TTC7B: variants seen among roughly 807,000 people sequenced by gnomAD.
The protein encoded by TTC7B is tetratricopeptide repeat domain 7B.
In TTC7B, 28 loss-of-function variants were observed where a neutral mutation model predicts 106.8. The observed-to-expected ratio is 0.26, with a 90% CI of 0.19 to 0.36. The LOEUF (loss-of-function observed/expected upper bound fraction) is 0.36. TTC7B is among the 10% of genes least tolerant of loss of function. The pLI is 1.00. For missense variants in TTC7B, 862 were observed against 1,076.4 expected (o/e 0.80, Z 2.79); for synonymous variants, 405 against 430.6 (o/e 0.94, Z 0.74).
At chr14:90,736,624 CAT>C (rs1889539755) in intron 4 of TTC7B, among the ~76,000 whole-genome samples, 2 of 151,974 alleles carry the variant, frequency 1.3e-5, no homozygotes, top group Admixed American at 6.6e-5. Context: ...GTGGCTTATG[CAT>C]GTAATCACAG....
chr14:90,629,470 G>A (rs1002159743), intron 15 of TTC7B, among the ~76,000 whole-genome samples: 5 of 152,170 alleles, frequency 3.3e-5, no homozygotes, highest in Non-Finnish European at 5.9e-5. Flanking sequence ...TGAAACACAG[G>A]CAGACACAAG....
chr14:90,598,507 T>TG (rs954702203), intron 17 of TTC7B, among the ~76,000 whole-genome samples: 1 of 152,110 alleles, frequency 6.6e-6, no homozygotes, highest in African/African-American at 2.4e-5. Flanking sequence ...GAAACTGTGA[T>TG]GGGAAGGCAT....
Position 90,676,524 on chromosome 14 carries a change from T to C in TTC7B, c.1151A>G (p.Glu384Gly). ...GRRGQYEMLS[E>G]CLERAMKFAF... ...GTCAACCAGACTCAGCAGCTGTACC[T>C]CTGACAGCATCTCATACTGGCCTCT... The change falls in exon 9 of 20, where the codon GAG (glutamate) becomes GGG (glycine). Residue 384 changes from glutamate (E) to glycine (G), a missense_variant and splice_region_variant. By Grantham distance (98) the Glu-to-Gly change is moderately conservative. Coordinates refer to ENST00000328459, the MANE Select transcript of TTC7B (RefSeq NM_001010854.2). 1 of 1,613,804 alleles carries C rather than the reference T, an allele frequency of 6.2e-7. No individual in the cohort carries two copies. The highest frequency in any genetic ancestry group is 8.5e-7 in the Non-Finnish European group (1 of 1,179,802).
At chr14:90,748,648 C>T (rs912291670) in intron 3 of TTC7B, among the ~76,000 whole-genome samples, 1 of 152,112 alleles carries the variant, frequency 6.6e-6, no homozygotes, top group Non-Finnish European at 1.5e-5. Context: ...TGATATTATA[C>T]TACTTCACAT....
At chr14:90,790,891 C>G (rs1566889723) in intron 1 of TTC7B, among the ~76,000 whole-genome samples, 1 of 152,044 alleles carries the variant, frequency 6.6e-6, no homozygotes, top group Non-Finnish European at 1.5e-5. Flanking sequence ...GAAGGGCAAA[C>G]CAGGCTGAAG....
chr14:90,552,192 T>C (rs967420088), intron 19 of TTC7B, among the ~76,000 whole-genome samples: 4 of 152,124 alleles, frequency 2.6e-5, no homozygotes, highest in African/African-American at 9.7e-5. Context: ...CCTCTGCCCG[T>C]CAGAGCTCCA....
chr14:90,772,823 A>G (rs1890908372), intron 3 of TTC7B: 1 of 152,156 alleles, frequency 6.6e-6, no homozygotes, highest in South Asian at 2.1e-4. Context: ...AATACCAAAA[A>G]TTAGCTAGGC....
Position 90,657,159 on chromosome 14 carries a change from G to A in TTC7B, c.1341+15C>T. 1.2e-6 allele frequency: 2 copies of A among 1,610,298 alleles called. No homozygotes were observed. Among genetic ancestry groups the A allele is most frequent in the Non-Finnish European group, 1.7e-6 (2 of 1,177,162 alleles). On this transcript the variant is annotated intron_variant, in intron 11 of 19. Transcript: ENST00000328459. This position sits in a 1 kb window ranked among gnomAD's most constrained non-coding sequence, Gnocchi z 4.2. ...AGTCCTCTGCAGGAGCGGGGAGGGG[G>A]GCGCCCCTACTCACCCAGTGCAGGG...
chr14:90,708,068 C>T (rs1888283042), intron 5 of TTC7B, among the ~76,000 whole-genome samples: 1 of 147,498 alleles, frequency 6.8e-6, no homozygotes, highest in Non-Finnish European at 1.5e-5. Flanking sequence ...ACAGCTAGAA[C>T]CCAGGAGGTG....
At chr14:90,580,522 C>T (rs775420285) in intron 18 of TTC7B, among the ~76,000 whole-genome samples, 9 of 152,132 alleles carry the variant, frequency 5.9e-5, no homozygotes, top group African/African-American at 1.4e-4. Context: ...GGGTGATATC[C>T]GACTCCTCTG....
intron 19 of TTC7B, among the ~76,000 whole-genome samples, chr14:90,562,101 C>T (rs1890617126): frequency 6.6e-6 from 1 of 152,148 alleles, no homozygotes; most frequent in South Asian, 2.1e-4. Context: ...CCAAAACCAT[C>T]GCCCCAGCCC....
chr14:90,766,719 G>C (rs1890692720), intron 3 of TTC7B: 5 of 1,530,264 alleles, frequency 3.3e-6, no homozygotes. Flanking sequence ...CTGAGGATGA[G>C]GTGGAACGTG....
rs529239362 is a variant in TTC7B, at chr14:90,709,012, C to T, written c.699-13434G>A. Among the ~76,000 whole-genome samples the T allele has an allele frequency of 2.1e-3, 278 of 131,210 alleles. 1 individual carries two copies. Among genetic ancestry groups the T allele is most frequent in the South Asian group, 2.8e-3 (11 of 3,864 alleles). 86.1% of individuals were successfully genotyped at this position (131,210 alleles called of 152,430 possible). A position where few individuals can be genotyped will look rare whatever the true frequency, so the allele number is the denominator to read the frequency against. On this transcript the variant is annotated intron_variant, in intron 5 of 19. Coordinates refer to ENST00000328459, the MANE Select transcript of TTC7B (RefSeq NM_001010854.2). Reference sequence around the variant, plus strand: ...TACCATCTCACACCAGTTAGAATGGCGATCATTAAAAAGTCAGGAAACAAC... The same window carrying T: ...TACCATCTCACACCAGTTAGAATGGTGATCATTAAAAAGTCAGGAAACAAC...
intron 1 of TTC7B, among the ~76,000 whole-genome samples, chr14:90,797,512 G>A (rs80200774): frequency 0.03 from 4,545 of 151,212 alleles, 243 homozygotes; most frequent in African/African-American, 0.1. Context: ...TCGTTTACTG[G>A]GCTTCCTGTA....
intron 1 of TTC7B, among the ~76,000 whole-genome samples, 153 bp from the exon 2 acceptor site, chr14:90,786,481 G>A (rs1016167766): frequency 6.6e-6 from 1 of 152,144 alleles, no homozygotes; most frequent in Non-Finnish European, 1.5e-5. Context: ...GGTCTAAGTG[G>A]GCACCACCTC....
intron 3 of TTC7B, among the ~76,000 whole-genome samples, chr14:90,756,610 G>C (rs1890311213): frequency 6.6e-6 from 1 of 152,072 alleles, no homozygotes; most frequent in Non-Finnish European, 1.5e-5. Flanking sequence ...AGCCAGGCTG[G>C]TCTCAAACTC....
At chr14:90,769,045 G>A (rs934007884) in intron 3 of TTC7B, among the ~76,000 whole-genome samples, 1 of 152,144 alleles carries the variant, frequency 6.6e-6, no homozygotes, top group Non-Finnish European at 1.5e-5. Context: ...AACAGAAAGG[G>A]GTGGGGATAG....
At chr14:90,708,542 T>C (rs1749707) in intron 5 of TTC7B, among the ~76,000 whole-genome samples, 50,082 of 152,116 alleles carry the variant, frequency 0.33, 8,584 homozygotes, top group Middle Eastern at 0.39. Flanking sequence ...GTTTACAGCA[T>C]GGTTCACTGA....
intron 15 of TTC7B, among the ~76,000 whole-genome samples, chr14:90,641,804 A>C (rs1056875940): frequency 6.6e-6 from 1 of 152,162 alleles, no homozygotes; most frequent in African/African-American, 2.4e-5. Flanking sequence ...ATTAGCCACC[A>C]CTGTTTACTG....
Sources: allele counts gnomAD v4.1 joint callset (sites outside exome capture counted in the v4.1 genomes callset), GRCh38; gene constraint gnomAD v4.1.1; non-coding constraint Gnocchi (gnomAD v3.1); transcripts MANE v1.5; gene names NCBI Gene and HGNC (gene_info 2026-07-23, HGNC 2026-07-21).